The following PCDH15 variants were observed in gnomAD, a reference collection of about 807,000 sequenced individuals.
PCDH15 encodes the protein protocadherin related 15.
In PCDH15, 129 loss-of-function variants were observed where a neutral mutation model predicts 178.5. The ratio of observed to expected loss-of-function variants is 0.72; its 90% CI spans 0.63 to 0.84. The LOEUF is 0.84. Ranked by LOEUF, PCDH15 falls within the 40% of genes least tolerant of loss-of-function variation. PCDH15 has a pLI of 0.00. For synonymous variants in PCDH15, 800 were observed against 732.0 expected (o/e 1.09, Z -1.50); for missense variants, 2,230 against 2,099.9 (o/e 1.06, Z -1.21).
chr10:55,171,646 T>C (rs1179812756), intron 1 of PCDH15, among the ~76,000 whole-genome samples: 1 of 152,166 alleles, frequency 6.6e-6, no homozygotes, highest in Admixed American at 6.5e-5. Flanking sequence ...CTAATTACAC[T>C]TTAATTTTCA....
intron 21 of PCDH15, chr10:53,994,709 C>T (rs1017450609): frequency 4.6e-5 from 7 of 152,038 alleles, no homozygotes; most frequent in African/African-American, 1.7e-4. Context: ...TGAATTAAAG[C>T]CCACCACTTT....
chr10:55,017,575 C>A (rs1309280257), intron 2 of PCDH15, among the ~76,000 whole-genome samples: 1 of 151,938 alleles, frequency 6.6e-6, no homozygotes, highest in African/African-American at 2.4e-5. Flanking sequence ...ATGCTTAAAT[C>A]CAAATATGTA....
intron 3 of PCDH15, among the ~76,000 whole-genome samples, chr10:54,851,562 T>C (rs191416604): frequency 2.6e-4 from 39 of 152,224 alleles, no homozygotes; most frequent in Admixed American, 9.2e-4. Context: ...GGTTAAAATA[T>C]ATTGTCTGAG....
At position 53,959,785 on chromosome 10, in the gene PCDH15, C is replaced by T. The variant is rs769983940; in HGVS notation, c.3069G>A (p.Lys1023=). The change falls in exon 23 of 38, where the codon AAG becomes AAA. Residue 1023 remains lysine (K), a synonymous_variant. Transcript: ENST00000644397. ...EPVMSSSATV[K]ILVLHPGEIP... ...TCTCACCAGGATGTAAGACAAGAAT[C>T]TTCACTGTGGCACTGCTGGACATCA... 5 of 1,614,072 alleles carry T rather than the reference C, an allele frequency of 3.1e-6. No homozygotes were observed. The highest frequency in any genetic ancestry group is 3.4e-6 in the Non-Finnish European group (4 of 1,179,974).
chr10:54,940,143 GATT>G (rs1435565456), intron 2 of PCDH15, among the ~76,000 whole-genome samples: 5 of 151,896 alleles, frequency 3.3e-5, no homozygotes, highest in African/African-American at 7.3e-5. Context: ...ACAGATTTGT[GATT>G]ATTATTTTTT....
rs180962415 is a variant in PCDH15, at chr10:54,540,080, C to T, written c.92-12203G>A. On this transcript the variant is annotated intron_variant, in intron 2 of 37. Coordinates refer to ENST00000644397, the MANE Select transcript of PCDH15 (RefSeq NM_001384140.1). ...ATCTCTGATTAACGATCTAACACCACATCTAGAGTAACTAGAAAAACAAGA... is the reference window on the plus strand; with the variant it reads ...ATCTCTGATTAACGATCTAACACCATATCTAGAGTAACTAGAAAAACAAGA... Among the ~76,000 whole-genome samples, 232 of 152,250 alleles carry T rather than the reference C, an allele frequency of 1.5e-3. 1 individual carries two copies. The highest frequency in any genetic ancestry group is 2.9e-3 in the Non-Finnish European group (195 of 68,010).
chr10:53,827,067 T>C lies in PCDH15; in HGVS notation c.4367+326A>G, dbSNP rs566595633. On this transcript the variant is annotated intron_variant, in intron 32 of 37. Coordinates refer to ENST00000644397, the MANE Select transcript of PCDH15 (RefSeq NM_001384140.1). ...ATCTATTTATATATTTATACATATA[T>C]ACATATACATTATATATATGTAAAA... 2.4e-3 allele frequency among the ~76,000 whole-genome samples: 368 copies of C among 151,776 alleles called. 3 individuals are homozygous for C. Among genetic ancestry groups the C allele is most frequent in the Non-Finnish European group, 4.5e-3 (308 of 67,892 alleles).
At chr10:54,165,602 C>T (rs1379776419) in intron 13 of PCDH15, among the ~76,000 whole-genome samples, 1 of 152,138 alleles carries the variant, frequency 6.6e-6, no homozygotes, top group Non-Finnish European at 1.5e-5. Flanking sequence ...CTATCAAATT[C>T]TCTCATGCCC....
At chr10:55,432,261 C>A (rs1416538404) in intron 2 of PCDH15, among the ~76,000 whole-genome samples, 1 of 152,078 alleles carries the variant, frequency 6.6e-6, no homozygotes, top group Non-Finnish European at 1.5e-5. Context: ...TAAATCAGAA[C>A]AATCTGTGTT....
At chr10:55,197,369 G>A (rs1840121327) in intron 1 of PCDH15, among the ~76,000 whole-genome samples, 1 of 151,998 alleles carries the variant, frequency 6.6e-6, no homozygotes, top group Non-Finnish European at 1.5e-5. Flanking sequence ...CTTGCAGAAG[G>A]AAATCCAGAT....
intron 21 of PCDH15, among the ~76,000 whole-genome samples, chr10:53,965,911 GA>G (rs1164486347): frequency 6.6e-6 from 1 of 152,060 alleles, no homozygotes; most frequent in Non-Finnish European, 1.5e-5. Flanking sequence ...TTGATAAAAT[GA>G]AAAAGAAAAC....
chr10:54,732,175 C>T (rs1476116755), intron 1 of PCDH15, among the ~76,000 whole-genome samples: 3 of 151,002 alleles, frequency 2.0e-5, no homozygotes, highest in Non-Finnish European at 4.4e-5. Flanking sequence ...ATACAGAGAG[C>T]ATGGAATGAG....
chr10:55,255,902 C>T (rs1388224469), intron 1 of PCDH15, among the ~76,000 whole-genome samples: 1 of 152,096 alleles, frequency 6.6e-6, no homozygotes, highest in Non-Finnish European at 1.5e-5. Context: ...TTTAGGTTGC[C>T]TGTTCACTCT....
chr10:53,899,153 G>T (rs927463739), intron 26 of PCDH15, among the ~76,000 whole-genome samples: 4 of 146,138 alleles, frequency 2.7e-5, no homozygotes, highest in African/African-American at 7.6e-5. Context: ...GGGGGGGGGT[G>T]GTCTAGTTTA....
intron 3 of PCDH15, among the ~76,000 whole-genome samples, chr10:54,885,927 A>G (rs1954350884): frequency 6.6e-6 from 1 of 152,118 alleles, no homozygotes; most frequent in Non-Finnish European, 1.5e-5. Context: ...TAAATTTTCA[A>G]CAGTTTAGGG....
intron 1 of PCDH15, among the ~76,000 whole-genome samples, chr10:55,199,527 GA>G (rs1050769806): frequency 3.3e-5 from 5 of 150,074 alleles, no homozygotes; most frequent in African/African-American, 1.2e-4. Flanking sequence ...CCACGTGGAA[GA>G]AAAAAAAAAT....
intron 21 of PCDH15, among the ~76,000 whole-genome samples, chr10:53,985,941 G>A (rs375185655): frequency 6.3e-4 from 96 of 152,286 alleles, no homozygotes; most frequent in African/African-American, 2.2e-3. Flanking sequence ...GGCACCAACT[G>A]TTCCACATAA....
At chr10:53,893,679 G>C (rs1195058615) in intron 26 of PCDH15, among the ~76,000 whole-genome samples, 2 of 152,218 alleles carry the variant, frequency 1.3e-5, no homozygotes, top group East Asian at 3.8e-4. Flanking sequence ...ATTATTCTAA[G>C]TGAAGTAACT....
intron 3 of PCDH15, among the ~76,000 whole-genome samples, chr10:54,819,597 T>C (rs1953004192): frequency 6.6e-6 from 1 of 152,028 alleles, no homozygotes; most frequent in Non-Finnish European, 1.5e-5. Context: ...ATAAAGATTC[T>C]TTAAAATTAT....
Sources: allele counts gnomAD v4.1 joint callset (sites outside exome capture counted in the v4.1 genomes callset), GRCh38; gene constraint gnomAD v4.1.1; transcripts MANE v1.5; gene names NCBI Gene and HGNC (gene_info 2026-07-23, HGNC 2026-07-21).